GABBR2: variants seen among roughly 807,000 people sequenced by gnomAD.
GABBR2 encodes the protein G-protein coupled receptor 51.
GABBR2 carries 23 observed loss-of-function variants against 105.6 expected under a neutral mutation model. The ratio of observed to expected loss-of-function variants is 0.22; its 90% CI spans 0.16 to 0.31. GABBR2 has a LOEUF of 0.31. GABBR2 is among the 10% of genes least tolerant of loss of function. The pLI, the probability that GABBR2 is intolerant of heterozygous loss-of-function variation, is 1.00. For synonymous variants in GABBR2, 478 were observed against 499.7 expected, an observed-to-expected ratio of 0.96 and a Z score of 0.58; for missense variants, 734 against 1,245.5, an observed-to-expected ratio of 0.59 and a Z score of 6.18.
intron 8 of GABBR2, among the ~76,000 whole-genome samples, chr9:98,399,295 T>C (rs970158530): frequency 2.1e-5 from 3 of 143,248 alleles, no homozygotes; most frequent in Non-Finnish European, 3.0e-5. Context: ...GATGTTGCAG[T>C]GGGCTGAGAT....
intron 3 of GABBR2, among the ~76,000 whole-genome samples, chr9:98,531,557 G>T (rs1168991308): frequency 6.6e-6 from 1 of 152,252 alleles, no homozygotes; most frequent in Non-Finnish European, 1.5e-5. Context: ...CTCCAAGATG[G>T]CAGAAGCACT....
rs58161340 is a variant in GABBR2, at chr9:98,648,080, G to GGTGTGTAT, written c.321+60336_321+60337insATACACAC. 5.9e-4 allele frequency among the ~76,000 whole-genome samples: 40 copies of GGTGTGTAT among 68,014 alleles called. 1 individual carries two copies. The highest frequency in any genetic ancestry group is 9.0e-4 in the African/African-American group (14 of 15,612). 44.6% of individuals were successfully genotyped at this position (68,014 alleles called of 152,430 possible). On this transcript the variant is annotated intron_variant, in intron 1 of 18. Coordinates refer to ENST00000259455, the MANE Select transcript of GABBR2 (RefSeq NM_005458.8). The stretch of plus-strand genomic sequence containing the variant: ...CCCCTTTCTATCATTAATCATACAG[G>GGTGTGTAT]GTGTGTGTGTGTGTGTGTGTGTGTG...
chr9:98,448,102 C>G (rs1826168361), intron 7 of GABBR2, among the ~76,000 whole-genome samples: 1 of 152,038 alleles, frequency 6.6e-6, no homozygotes, highest in South Asian at 2.1e-4. Flanking sequence ...GATGTCCAGA[C>G]CCGCTGCTGG....
chr9:98,406,880 C>A (rs1006550277), intron 7 of GABBR2, among the ~76,000 whole-genome samples: 1 of 152,154 alleles, frequency 6.6e-6, no homozygotes, highest in Non-Finnish European at 1.5e-5. Context: ...CGATTTATGG[C>A]CCACCTAAAA....
intron 1 of GABBR2, among the ~76,000 whole-genome samples, chr9:98,693,367 C>A (rs1285514924): frequency 6.6e-6 from 1 of 152,222 alleles, no homozygotes; most frequent in Non-Finnish European, 1.5e-5. Context: ...CCCTCCATGT[C>A]CTCAGGTGGT....
At chr9:98,464,267 G>C (rs1189905417) in intron 6 of GABBR2, among the ~76,000 whole-genome samples, 1 of 151,104 alleles carries the variant, frequency 6.6e-6, no homozygotes, top group African/African-American at 2.4e-5. Context: ...GAAGTGAGGA[G>C]CGCCTCTTCC....
At chr9:98,509,032 C>A (rs1321160419) in intron 3 of GABBR2, among the ~76,000 whole-genome samples, 4 of 152,216 alleles carry the variant, frequency 2.6e-5, no homozygotes, top group African/African-American at 7.2e-5. Flanking sequence ...TAGGGGCAGA[C>A]TGACACCTCA....
intron 1 of GABBR2, among the ~76,000 whole-genome samples, chr9:98,641,493 T>TG (rs1829961986): frequency 6.6e-6 from 1 of 152,134 alleles, no homozygotes; most frequent in Admixed American, 6.5e-5. Flanking sequence ...AGCATTCTCA[T>TG]GGGGTAAGAG....
chr9:98,392,242 G>A (rs1210743208), intron 9 of GABBR2, among the ~76,000 whole-genome samples: 1 of 152,154 alleles, frequency 6.6e-6, no homozygotes, highest in Non-Finnish European at 1.5e-5. Context: ...ACTGGTCCCT[G>A]CCCCACCAAA....
intron 1 of GABBR2, among the ~76,000 whole-genome samples, chr9:98,664,992 C>A (rs190553700): frequency 6.6e-6 from 1 of 151,818 alleles, no homozygotes; most frequent in African/African-American, 2.4e-5. Context: ...ATTAGCCAGG[C>A]ATGGTGGCAT....
chr9:98,636,315 T>C (rs930367055), intron 1 of GABBR2, among the ~76,000 whole-genome samples: 1 of 152,144 alleles, frequency 6.6e-6, no homozygotes, highest in African/African-American at 2.4e-5. Flanking sequence ...CCTCAGAGTC[T>C]GCCTATACTT....
intron 5 of GABBR2, among the ~76,000 whole-genome samples, chr9:98,479,996 C>T (rs1346440911): frequency 1.3e-5 from 2 of 152,178 alleles, no homozygotes; most frequent in South Asian, 4.1e-4. Context: ...TGTTAAAGTT[C>T]TTTGCACTCA....
rs140842520 is a variant in GABBR2 at position 98,502,597 on chromosome 9, C to A, written c.631-6083G>T. Among the ~76,000 whole-genome samples, 7 of 152,334 alleles carry A rather than the reference C, an allele frequency of 4.6e-5. No individual in the cohort carries two copies. In the East Asian group the frequency reaches 1.4e-3, roughly 29 times the overall value. On this transcript the variant is annotated intron_variant, in intron 3 of 18. Transcript: ENST00000259455. ...CCTAACCCCTGCAACTCCCTGCTAC[C>A]CACAGGTAGGGCCAGTGAACCCCTG...
intron 4 of GABBR2, among the ~76,000 whole-genome samples, chr9:98,485,530 ACACACTCACGCACG>A (rs1050379210): frequency 3.3e-5 from 5 of 152,084 alleles, no homozygotes; most frequent in Admixed American, 1.3e-4. Context: ...AGGCACGCAC[ACACACTCACGCACG>A]CACATGACAC....
chr9:98,537,491 C>T (rs1261625606), intron 3 of GABBR2, among the ~76,000 whole-genome samples: 1 of 152,002 alleles, frequency 6.6e-6, no homozygotes, highest in African/African-American at 2.4e-5. Flanking sequence ...CACTGTCTCC[C>T]AAGTTAAAAT....
chr9:98,643,048 G>A (rs1275333213), intron 1 of GABBR2, among the ~76,000 whole-genome samples: 1 of 152,224 alleles, frequency 6.6e-6, no homozygotes, highest in Non-Finnish European at 1.5e-5. Flanking sequence ...TATTTGGGAA[G>A]TGATCCCAAA....
At chr9:98,563,777 A>G (rs1828712476) in intron 2 of GABBR2, among the ~76,000 whole-genome samples, 2 of 152,204 alleles carry the variant, frequency 1.3e-5, no homozygotes, top group South Asian at 2.1e-4. Context: ...TTCCCACTGT[A>G]TAAGGCTCAA....
At chr9:98,426,365 GGTGTGTGTGAGCCTGCATCTGCCA>G (rs1356709888) in intron 7 of GABBR2, among the ~76,000 whole-genome samples, 1 of 152,208 alleles carries the variant, frequency 6.6e-6, no homozygotes, top group Non-Finnish European at 1.5e-5. Context: ...TTTGCAAAAT[GGTGTGTGTGAGCCTGCATCTGCCA>G]GTGTGTGTAT....
At chr9:98,585,597 A>T (rs74187391) in intron 1 of GABBR2, among the ~76,000 whole-genome samples, 76,040 of 150,076 alleles carry the variant, frequency 0.51, 20,557 homozygotes, top group African/African-American at 0.66. Context: ...CATATGTAAC[A>T]AACCTGCACG....
Sources: allele counts gnomAD v4.1 joint callset (sites outside exome capture counted in the v4.1 genomes callset), GRCh38; gene constraint gnomAD v4.1.1; transcripts MANE v1.5; gene names NCBI Gene and HGNC (gene_info 2026-07-23, HGNC 2026-07-21).